The following TBC1D5 variants were observed in gnomAD, a reference collection of about 807,000 sequenced individuals.
TBC1D5 encodes TBC1 domain family, member 5.
A neutral mutation model predicts 100.3 loss-of-function variants in TBC1D5; 75 were observed. That is an observed-to-expected ratio of 0.75 (90% CI 0.62 to 0.91). The LOEUF (loss-of-function observed/expected upper bound fraction) is 0.91, where lower values mean the gene tolerates loss of function less well. Ranked by LOEUF, TBC1D5 falls within the 40% of genes least tolerant of loss-of-function variation. TBC1D5 has a pLI of 0.00. For missense variants in TBC1D5, 910 were observed against 942.4 expected (o/e 0.97, Z 0.45); for synonymous variants, 323 against 325.6 (o/e 0.99, Z 0.09).
At chr3:17,450,104 A>AC (rs1277886429) in intron 3 of TBC1D5, among the ~76,000 whole-genome samples, 1 of 151,988 alleles carries the variant, frequency 6.6e-6, no homozygotes, top group Non-Finnish European at 1.5e-5. Flanking sequence ...TCTGGAGAGG[A>AC]CCCCCAGCAA....
At chr3:17,615,307 T>C (rs2062050613) in intron 2 of TBC1D5, among the ~76,000 whole-genome samples, 1 of 152,240 alleles carries the variant, frequency 6.6e-6, no homozygotes. Context: ...TGAGGATTTT[T>C]GCATCGATGA....
At chr3:17,606,232 G>A (rs2061327781) in intron 2 of TBC1D5, among the ~76,000 whole-genome samples, 1 of 152,122 alleles carries the variant, frequency 6.6e-6, no homozygotes, top group South Asian at 2.1e-4. Flanking sequence ...CTTGAGCCCA[G>A]GGAGTTCAAG....
chr3:17,735,762 C>A (rs865909993), intron 1 of TBC1D5, among the ~76,000 whole-genome samples: 5 of 152,202 alleles, frequency 3.3e-5, no homozygotes, highest in Non-Finnish European at 7.3e-5. Context: ...GCACAGCGGA[C>A]ACCCTGCTGG....
intron 8 of TBC1D5, among the ~76,000 whole-genome samples, chr3:17,397,037 GTGA>G (rs2093526066): frequency 6.6e-6 from 1 of 152,066 alleles, no homozygotes; most frequent in African/African-American, 2.4e-5. Context: ...TATAGCTACT[GTGA>G]TGACTAAAAT....
chr3:17,547,148 T>C lies in TBC1D5; in HGVS notation c.-35-38543A>G, dbSNP rs564499406. On this transcript the variant is annotated intron_variant, in intron 2 of 21. Coordinates refer to ENST00000253692, the Ensembl canonical transcript of TBC1D5. Reference sequence around the variant, plus strand: ...ATACAGTAATTGATACAAGGGAACATTGTAGGCTATTGTAATACAAGTTAA... The same window carrying C: ...ATACAGTAATTGATACAAGGGAACACTGTAGGCTATTGTAATACAAGTTAA... 9.2e-5 allele frequency: 14 copies of C among 152,312 alleles called. No homozygotes were observed. In the South Asian group the frequency reaches 1.0e-3, roughly 11 times the overall value. The allele number at this position is 152,312 out of a possible 1,614,324, so 9.4% of individuals were successfully genotyped here.
chr3:17,626,218 A>G (rs1348111758), intron 1 of TBC1D5, among the ~76,000 whole-genome samples: 1 of 152,190 alleles, frequency 6.6e-6, no homozygotes, highest in Admixed American at 6.5e-5. Context: ...ATTGTCAAAA[A>G]AAATGACAAA....
At chr3:17,215,056 G>C (rs1185654606) in intron 17 of TBC1D5, among the ~76,000 whole-genome samples, 1 of 152,036 alleles carries the variant, frequency 6.6e-6, no homozygotes, top group Non-Finnish European at 1.5e-5. Flanking sequence ...ATCAGAACAG[G>C]TAGGGATTTG....
intron 17 of TBC1D5, among the ~76,000 whole-genome samples, chr3:17,223,773 A>G (rs760629051): frequency 4.9e-4 from 74 of 152,032 alleles, no homozygotes; most frequent in Non-Finnish European, 9.1e-4. Context: ...CAGGAGAATC[A>G]CTTGAACCCT....
rs530794336 is a variant in TBC1D5 at position 17,492,380 on chromosome 3, GGATGTT to G, written c.97+16088_97+16093del. Among the ~76,000 whole-genome samples, 155 of 151,994 alleles carry G rather than the reference GGATGTT, an allele frequency of 1.0e-3. 2 individuals carry two copies. The South Asian group carries it at 0.019, about 18-fold the overall frequency. On this transcript the variant is annotated intron_variant, in intron 3 of 21. Coordinates refer to ENST00000253692, the Ensembl canonical transcript of TBC1D5. ...TCTAGTTCTTTTAGGTGTGATGTTA[GGATGTT>G]GACTTAAGATCTTCCTAGCTTTTTG...
intron 19 of TBC1D5, among the ~76,000 whole-genome samples, chr3:17,170,771 C>A (rs1198115638): frequency 6.6e-6 from 1 of 152,082 alleles, no homozygotes; most frequent in Non-Finnish European, 1.5e-5. Context: ...TCCTCAAACA[C>A]CAAAGAGAGA....
intron 13 of TBC1D5, among the ~76,000 whole-genome samples, chr3:17,337,098 A>T (rs531522418): frequency 6.8e-6 from 1 of 146,666 alleles, no homozygotes; most frequent in Non-Finnish European, 1.5e-5. Flanking sequence ...TCTCAAACAT[A>T]GCTTGCACCA....
intron 20 of TBC1D5, 79 bp from the exon 22 acceptor site, chr3:17,167,007 T>C (rs1193711476): frequency 1.5e-6 from 2 of 1,321,630 alleles, no homozygotes; most frequent in Non-Finnish European, 2.0e-6. Context: ...TCTCAGACAT[T>C]TGAACTAGCC....
chr3:17,219,991 A>G (rs891415133), intron 17 of TBC1D5, among the ~76,000 whole-genome samples: 1 of 152,072 alleles, frequency 6.6e-6, no homozygotes, highest in African/African-American at 2.4e-5. Flanking sequence ...GATCTTGGAA[A>G]TTTGTCTATG....
At chr3:17,249,928 C>T (rs894286783) in intron 16 of TBC1D5, among the ~76,000 whole-genome samples, 5 of 152,172 alleles carry the variant, frequency 3.3e-5, no homozygotes, top group African/African-American at 1.2e-4. Flanking sequence ...AATTACAGAT[C>T]ATCTTAACAG....
intron 19 of TBC1D5, among the ~76,000 whole-genome samples, chr3:17,168,707 A>G (rs2066884721): frequency 6.6e-6 from 1 of 152,156 alleles, no homozygotes; most frequent in Admixed American, 6.5e-5. Context: ...TTTAAAAAAC[A>G]TGCTGATAGA....
chr3:17,226,452 T>C (rs1380363723), intron 17 of TBC1D5, among the ~76,000 whole-genome samples: 1 of 152,028 alleles, frequency 6.6e-6, no homozygotes, highest in Non-Finnish European at 1.5e-5. Context: ...AAGGCACTTA[T>C]TTCCCCCAGC....
chr3:17,742,238 A>C (rs2077524057), upstream of TBC1D5, among the ~76,000 whole-genome samples: 1 of 152,054 alleles, frequency 6.6e-6, no homozygotes, highest in South Asian at 2.1e-4. Flanking sequence ...GCCGACTCCG[A>C]GGCGCACAAA....
chr3:17,613,189 T>C (rs2061828946), intron 2 of TBC1D5, among the ~76,000 whole-genome samples: 2 of 152,322 alleles, frequency 1.3e-5, no homozygotes, highest in African/African-American at 4.8e-5. Flanking sequence ...TCCAGCTTCA[T>C]CCACGTCCCT....
chr3:17,481,858 A>G (rs1054107358), intron 3 of TBC1D5, among the ~76,000 whole-genome samples: 1 of 152,174 alleles, frequency 6.6e-6, no homozygotes, highest in Non-Finnish European at 1.5e-5. Context: ...CTCCTGCCTC[A>G]GCCTCCCAAG....
Sources: allele counts gnomAD v4.1 joint callset (sites outside exome capture counted in the v4.1 genomes callset), GRCh38; gene constraint gnomAD v4.1.1; transcripts MANE v1.5; gene names NCBI Gene and HGNC (gene_info 2026-07-23, HGNC 2026-07-21).